Variants in CAD observed in about 807,000 individuals in gnomAD.
CAD encodes multifunctional protein CAD.
A neutral mutation model predicts 237.2 loss-of-function variants in CAD; 81 were observed. The ratio of observed to expected loss-of-function variants is 0.34; its 90% CI spans 0.29 to 0.41. CAD has a LOEUF of 0.41. Ranked by LOEUF, CAD falls within the 10% of genes least tolerant of loss-of-function variation. The pLI, the probability that CAD is intolerant of heterozygous loss-of-function variation, is 1.00. For missense variants in CAD, 2,181 were observed against 2,951.7 expected, an observed-to-expected ratio of 0.74 and a Z score of 6.05; for synonymous variants, 1,196 against 1,162.8, an observed-to-expected ratio of 1.03 and a Z score of -0.58.
In CAD at chr2:27,239,260, G is replaced by T. The variant is rs773791515; in HGVS notation, c.5253+28G>T. ...GTGGGGATGAGGCCCAGAGCAGGAG[G>T]GGGGCTCTCCAGCCCTAGGATATGT... On this transcript the variant is annotated intron_variant, in intron 32 of 43. Transcript: ENST00000264705. The surrounding 1 kb of genome is among the most constrained non-coding windows in gnomAD (Gnocchi z 4.0). 4 of 1,600,816 alleles carry T rather than the reference G, an allele frequency of 2.5e-6. No homozygotes were observed. The Admixed American group carries it at 6.7e-5, about 27-fold the overall frequency.
At position 27,232,050 on chromosome 2, in the gene CAD, A is replaced by C. The variant is rs778521944; in HGVS notation, c.2471A>C (p.Asp824Ala). 2.5e-6 allele frequency: 4 copies of C among 1,614,054 alleles called. No individual in the cohort carries two copies. The highest frequency in any genetic ancestry group is 3.4e-6 in the Non-Finnish European group (4 of 1,180,038). ...AAALWAGYSV[D>A]RLYELTRIDR... ...GCTTTGTGGGCTGGTTATTCAGTGGACCGCCTGTATGAGCTCACACGCATC... is the reference window on the plus strand; with the variant it reads ...GCTTTGTGGGCTGGTTATTCAGTGGCCCGCCTGTATGAGCTCACACGCATC... The change falls in exon 17 of 44, where the codon GAC becomes GCC. Residue 824 changes from aspartate (D) to alanine (A), a missense_variant. Coordinates refer to ENST00000264705, the MANE Select transcript of CAD (RefSeq NM_004341.5). This position sits in a 1 kb window ranked among gnomAD's most constrained non-coding sequence, Gnocchi z 4.1.
chr2:27,240,369 T>G lies in CAD; in HGVS notation c.5593+8T>G, dbSNP rs779993862. The G allele has an allele frequency of 5.0e-6, 8 of 1,612,716 alleles. No homozygotes were observed. The highest frequency in any genetic ancestry group is 6.8e-6 in the Non-Finnish European group (8 of 1,179,026). ...CCGACCCAGGTTTGCCAGGTAAGAG[T>G]GGGGTTCCTGTGACTCAGAGACTGT... On this transcript the variant is annotated splice_region_variant and intron_variant, in intron 35 of 43. Coordinates refer to ENST00000264705, the MANE Select transcript of CAD (RefSeq NM_004341.5). This position sits in a 1 kb window ranked among gnomAD's most constrained non-coding sequence, Gnocchi z 4.6.
chr2:27,224,330 T>C lies in CAD; in HGVS notation c.1109-15T>C, dbSNP rs1317271763. ...GCTCAGCTCTAACATTCTACGACCT[T>C]CTTTGCTTCCACAGTTAGAGAGCGG... On this transcript the variant is annotated splice_polypyrimidine_tract_variant and intron_variant, in intron 8 of 43. Coordinates refer to ENST00000264705, the MANE Select transcript of CAD (RefSeq NM_004341.5). The C allele has an allele frequency of 6.2e-7, 1 of 1,614,072 alleles. No individual in the cohort carries two copies. The highest frequency in any genetic ancestry group is 8.5e-7 in the Non-Finnish European group (1 of 1,179,964).
rs141698954 is a variant in CAD, at chr2:27,225,202, G to A, written c.1579G>A (p.Glu527Lys). Reference protein sequence around the residue: ...AFAARMAEIGEHVAPSEAANS... With the variant: ...AFAARMAEIGKHVAPSEAANS... ...TGCTGCCAGAATGGCAGAGATCGGA[G>A]AGCATGTGGCCCCGAGCGAGGCAGC... Residue 527 changes from glutamate to lysine, a missense_variant, in exon 11 of 44, where the codon GAG becomes AAG. Physicochemically the swap from Glu to Lys is moderately conservative, Grantham distance 56. Transcript: ENST00000264705. The A allele has an allele frequency of 2.6e-5, 42 of 1,614,056 alleles. No homozygotes were observed. The East Asian group carries it at 9.1e-4, about 35-fold the overall frequency.
Position 27,235,167 on chromosome 2 carries a change from G to T in CAD, c.3787-78G>T. On this transcript the variant is annotated intron_variant, in intron 23 of 43. Transcript: ENST00000264705. The surrounding 1 kb of genome is among the most constrained non-coding windows in gnomAD (Gnocchi z 5.2). ...CCATTCAGATGGGATCAAGCACAGG[G>T]TACTGTGTCCGTCTCTGCTGGTGAG... 7.6e-7 allele frequency: 1 copy of T among 1,323,032 alleles called. No individual in the cohort carries two copies. The highest frequency in any genetic ancestry group is 1.0e-6 in the Non-Finnish European group (1 of 956,170). The allele number at this position is 1,323,032 out of a possible 1,614,324, so 82.0% of individuals were successfully genotyped here.
chr2:27,233,627 C>T lies in CAD; in HGVS notation c.3218C>T (p.Ser1073Phe), dbSNP rs553380787. 6.2e-7 allele frequency: 1 copy of T among 1,614,124 alleles called. No homozygotes were observed. Among genetic ancestry groups the T allele is most frequent in the African/African-American group, 1.3e-5 (1 of 75,068 alleles). The part of the protein sequence containing the change: ...PQWRELSDLE[S>F]ARQFCQTVGY... Reference sequence around the variant, plus strand: ...AGCTAAGCTCCCTGCCTCCTGTAGTCTGCTCGCCAATTCTGCCAGACCGTG... The same window carrying T: ...AGCTAAGCTCCCTGCCTCCTGTAGTTTGCTCGCCAATTCTGCCAGACCGTG... Residue 1073 changes from serine to phenylalanine, a missense_variant and splice_region_variant, in exon 21 of 44, where the codon TCT (serine) becomes TTT (phenylalanine). This residue lies in a region of CAD where 306 missense variants were observed against 607.9 expected (regional missense o/e 0.50). Coordinates refer to ENST00000264705, the MANE Select transcript of CAD (RefSeq NM_004341.5). This position sits in a 1 kb window ranked among gnomAD's most constrained non-coding sequence, Gnocchi z 6.3.
chr2:27,218,459 A>C (rs577260798), intron 2 of CAD, among the ~76,000 whole-genome samples: 1 of 152,278 alleles, frequency 6.6e-6, no homozygotes, highest in East Asian at 1.9e-4. Context: ...GATCCATTGA[A>C]GGTTTTTTTT....
In CAD at chr2:27,234,001, C is replaced by T. The variant is rs769218425; in HGVS notation, c.3400-7C>T. 6.1e-5 allele frequency: 98 copies of T among 1,612,606 alleles called. No homozygotes were observed. In the Admixed American group the frequency reaches 1.6e-3, roughly 27 times the overall value. On this transcript the variant is annotated splice_polypyrimidine_tract_variant and splice_region_variant and intron_variant, in intron 21 of 43. Transcript: ENST00000264705. Reference sequence around the variant, plus strand: ...CCTATGTCCCACTGTCTGTGTCCCCCCGCTAGGAGATTGACGTGGATGCCG... The same window carrying T: ...CCTATGTCCCACTGTCTGTGTCCCCTCGCTAGGAGATTGACGTGGATGCCG...
chr2:27,238,968 C>T (rs953832337), intron 31 of CAD, 74 bp from the exon 32 acceptor site: 16 of 1,369,600 alleles, frequency 1.2e-5, no homozygotes, highest in Non-Finnish European at 1.5e-5. Flanking sequence ...GTTGGAAGTG[C>T]AGTCCTGGGG....
At position 27,232,410 on chromosome 2, in the gene CAD, T is replaced by C. The variant is rs1474308563; in HGVS notation, c.2646-38T>C. On this transcript the variant is annotated intron_variant, in intron 17 of 43. Coordinates refer to ENST00000264705, the MANE Select transcript of CAD (RefSeq NM_004341.5). The surrounding 1 kb of genome is among the most constrained non-coding windows in gnomAD (Gnocchi z 4.1). Reference sequence around the variant, plus strand: ...AACCCTCTATCAGTCTGTACCCTACTCTCTGGGCCTGTGTTTCAGACCCTT... The same window carrying C: ...AACCCTCTATCAGTCTGTACCCTACCCTCTGGGCCTGTGTTTCAGACCCTT... 3 of 1,612,790 alleles carry C rather than the reference T, an allele frequency of 1.9e-6. No individual in the cohort carries two copies. Among genetic ancestry groups the C allele is most frequent in the Admixed American group, 1.7e-5 (1 of 59,982 alleles).
chr2:27,239,092 C>T lies in CAD; in HGVS notation c.5113C>T (p.Pro1705Ser). The change falls in exon 32 of 44, where the codon CCA becomes TCA. Residue 1705 changes from proline (P) to serine (S), a missense_variant. This residue lies in a region of CAD where 478 missense variants were observed against 515.0 expected (regional missense o/e 0.93). Coordinates refer to ENST00000264705, the MANE Select transcript of CAD (RefSeq NM_004341.5). The surrounding 1 kb of genome is among the most constrained non-coding windows in gnomAD (Gnocchi z 4.0). Reference sequence around the variant, plus strand: ...TGGGTCCAGGCCCCCACCTGGGTTCCCAGGGTTAGAGACCATGCTGCCACT... The same window carrying T: ...TGGGTCCAGGCCCCCACCTGGGTTCTCAGGGTTAGAGACCATGCTGCCACT... ...KCGSRPPPGFPGLETMLPLLL... is the reference protein window; with the variant it reads ...KCGSRPPPGFSGLETMLPLLL... 6.2e-7 allele frequency: 1 copy of T among 1,602,952 alleles called. No individual in the cohort carries two copies. Among genetic ancestry groups the T allele is most frequent in the South Asian group, 1.1e-5 (1 of 89,408 alleles).
Position 27,226,205 on chromosome 2 carries a change from A to C in CAD, c.1917A>C (p.Thr639=), listed in dbSNP as rs753824069. ...CCATAGTGGTGGCCCCTAGCCAGAC[A>C]CTGAATGACAGGGAGTATCAGCTCC... ...GESIVVAPSQ[T]LNDREYQLLR... The change falls in exon 13 of 44, where the codon ACA becomes ACC. Residue 639 remains threonine, a synonymous_variant. Transcript: ENST00000264705. The C allele has an allele frequency of 2.9e-5, 47 of 1,614,050 alleles. No individual in the cohort carries two copies. The highest frequency in any genetic ancestry group is 1.6e-4 in the Middle Eastern group (1 of 6,084).
intron 1 of CAD, 34 bp from the exon 2 acceptor site, chr2:27,217,843 C>T: frequency 6.4e-7 from 1 of 1,561,884 alleles, no homozygotes; most frequent in Non-Finnish European, 8.7e-7. Context: ...CGAAGGGTGC[C>T]CTACCGGAGC....
chr2:27,240,713 C>A lies in CAD; in HGVS notation c.5594-198C>A. 1.5e-6 allele frequency: 2 copies of A among 1,335,648 alleles called. No individual in the cohort carries two copies. The highest frequency in any genetic ancestry group is 2.1e-6 in the Non-Finnish European group (2 of 961,808). The allele number at this position is 1,335,648 out of a possible 1,614,324, so 82.7% of individuals were successfully genotyped here. On this transcript the variant is annotated intron_variant, in intron 35 of 43. Transcript: ENST00000264705. This position sits in a 1 kb window ranked among gnomAD's most constrained non-coding sequence, Gnocchi z 4.6. ...GAGCCCCGGGAGGGCACCACTGCTC[C>A]CATACAACACAGCCCCATGGGAAGC... is the stretch of plus-strand genomic sequence containing the variant.
rs552916887 is a variant in CAD, at chr2:27,225,115, G to T, written c.1492G>T (p.Gly498Trp). 97 of 1,614,026 alleles carry T rather than the reference G, an allele frequency of 6.0e-5. No homozygotes were observed. Among genetic ancestry groups the T allele is most frequent in the Non-Finnish European group, 7.7e-5 (91 of 1,180,032 alleles). ...CAAGGCCGGGGTGCTGGCTCGGTAT[G>T]GGGTCCGGGTCCTGGGCACACCAGT... ...LTKAGVLARY[G>W]VRVLGTPVET... The change falls in exon 11 of 44, where the codon GGG becomes TGG. Residue 498 changes from glycine to tryptophan, a missense_variant. Around this residue, in one of 12 missense-constraint regions of CAD, gnomAD observed 174 missense variants for 215.8 expected, o/e 0.81. Coordinates refer to ENST00000264705, the MANE Select transcript of CAD (RefSeq NM_004341.5).
Position 27,233,998 on chromosome 2 carries a change from C to A in CAD, c.3400-10C>A. 1 of 1,612,004 alleles carries A rather than the reference C, an allele frequency of 6.2e-7. No individual in the cohort carries two copies. The highest frequency in any genetic ancestry group is 8.5e-7 in the Non-Finnish European group (1 of 1,178,724). On this transcript the variant is annotated splice_polypyrimidine_tract_variant and intron_variant, in intron 21 of 43. Transcript: ENST00000264705. The surrounding 1 kb of genome is among the most constrained non-coding windows in gnomAD (Gnocchi z 6.3). ...GGCCCTATGTCCCACTGTCTGTGTC[C>A]CCCCGCTAGGAGATTGACGTGGATG...
chr2:27,234,331 G>A, intron 22 of CAD, 105 bp downstream of exon 22: 1 of 1,255,382 alleles, frequency 8.0e-7, no homozygotes, highest in Non-Finnish European at 1.2e-6. Flanking sequence ...CATCCAAGTA[G>A]GCAGGGAAGC....
chr2:27,232,572 A>G lies in CAD; in HGVS notation c.2770A>G (p.Thr924Ala), dbSNP rs1446576025. ...TTACCTATACCTAACGTATTGGGGC[A>G]CCACCCATGACCTCACCTTTCGAAC... ...TNYLYLTYWGTTHDLTFRTPH... is the reference protein window; with the variant it reads ...TNYLYLTYWGATHDLTFRTPH... Residue 924 changes from threonine (T) to alanine (A), a missense_variant, in exon 18 of 44, where the codon ACC (threonine) becomes GCC (alanine). Thr to Ala is a moderately conservative substitution (Grantham distance 58). Transcript: ENST00000264705. The surrounding 1 kb of genome is among the most constrained non-coding windows in gnomAD (Gnocchi z 4.1). The G allele has an allele frequency of 1.9e-6, 3 of 1,614,050 alleles. No homozygotes were observed. The Admixed American group carries it at 5.0e-5, about 27-fold the overall frequency.
In CAD at chr2:27,243,245, G is replaced by A; in HGVS notation, c.6528G>A (p.Lys2176=). The A allele has an allele frequency of 1.2e-6, 2 of 1,614,102 alleles. No individual in the cohort carries two copies. The highest frequency in any genetic ancestry group is 1.7e-6 in the Non-Finnish European group (2 of 1,179,994). Residue 2176 remains lysine, a synonymous_variant, in exon 43 of 44, where the codon AAG becomes AAA. Coordinates refer to ENST00000264705, the MANE Select transcript of CAD (RefSeq NM_004341.5). ...ILTPHIMTRA[K]KKMVVMHPMP... ...CTCCCCACATCATGACCCGGGCCAAGAAGAAGATGGTGGTGATGCACCCGA... is the reference window on the plus strand; with the variant it reads ...CTCCCCACATCATGACCCGGGCCAAAAAGAAGATGGTGGTGATGCACCCGA...
Sources: gnomAD v4.1 joint callset for allele counts (sites outside exome capture counted in the v4.1 genomes callset) on GRCh38, gnomAD v4.1.1 for gene constraint, gnomAD v4.1.1 regional missense constraint, Gnocchi (gnomAD v3.1) non-coding constraint, MANE v1.5 for transcripts, NCBI Gene and HGNC (gene_info 2026-07-23, HGNC 2026-07-21) for gene names.